The following RNF216 variants were observed in gnomAD, a reference collection of about 807,000 sequenced individuals.
RNF216 encodes E3 ubiquitin-protein ligase RNF216.
RNF216 carries 72 observed loss-of-function variants against 110.8 expected under a neutral mutation model. The observed-to-expected ratio is 0.65, with a 90% CI of 0.54 to 0.79. The LOEUF (loss-of-function observed/expected upper bound fraction) is 0.79, where lower values mean the gene tolerates loss of function less well. RNF216 is among the 30% of genes least tolerant of loss of function. The pLI, the probability that RNF216 is intolerant of heterozygous loss-of-function variation, is 0.00. For synonymous variants in RNF216, 495 were observed against 407.5 expected (o/e 1.21, Z -2.59); for missense variants, 1,342 against 1,141.2 (o/e 1.18, Z -2.54).
At chr7:5,691,658 T>C (rs1791348194) in intron 13 of RNF216, among the ~76,000 whole-genome samples, 1 of 152,316 alleles carries the variant, frequency 6.6e-6, no homozygotes, top group African/African-American at 2.4e-5. Context: ...GCGTCCTCAA[T>C]CAAGTGAAGT....
At chr7:5,739,574 C>G (rs1794635301) in intron 4 of RNF216, 1 of 623,004 alleles carries the variant, frequency 1.6e-6, no homozygotes, top group Non-Finnish European at 3.0e-6. Context: ...TTCTCTGTCC[C>G]CATTTTACAG....
At chr7:5,707,125 A>G (rs1278596762) in intron 13 of RNF216, among the ~76,000 whole-genome samples, 2 of 152,174 alleles carry the variant, frequency 1.3e-5, no homozygotes, top group Non-Finnish European at 2.9e-5. Context: ...ATTATGTTCC[A>G]TTGGTCTACA....
At chr7:5,661,740 T>A (rs1789156178) in intron 13 of RNF216, among the ~76,000 whole-genome samples, 1 of 151,966 alleles carries the variant, frequency 6.6e-6, no homozygotes, top group South Asian at 2.1e-4. Context: ...GAGGCAGAGG[T>A]TGCAGTGAGC....
chr7:5,759,558 T>G (rs1472771254), intron 2 of RNF216, among the ~76,000 whole-genome samples: 1 of 152,192 alleles, frequency 6.6e-6, no homozygotes, highest in African/African-American at 2.4e-5. Flanking sequence ...ATGTGTTGAC[T>G]GTTTATGTTA....
At chr7:5,701,127 C>G (rs1017198944) in intron 13 of RNF216, among the ~76,000 whole-genome samples, 1 of 152,182 alleles carries the variant, frequency 6.6e-6, no homozygotes, top group Non-Finnish European at 1.5e-5. Flanking sequence ...TCCCCCAGCA[C>G]GTGGCTCTCC....
At chr7:5,727,876 C>A (rs1793855314) in intron 7 of RNF216, among the ~76,000 whole-genome samples, 1 of 151,762 alleles carries the variant, frequency 6.6e-6, no homozygotes, top group South Asian at 2.1e-4. Flanking sequence ...GTACCTCATC[C>A]TGGCTGGTGA....
Position 5,641,391 on chromosome 7 carries a change from C to A in RNF216, c.2160-15G>T, listed in dbSNP as rs762295333. The A allele has an allele frequency of 1.9e-6, 3 of 1,603,466 alleles. No individual in the cohort carries two copies. The highest frequency in any genetic ancestry group is 2.6e-6 in the Non-Finnish European group (3 of 1,171,518). ...TTTTTTCTTCACTGAAATAAGAAAA[C>A]ATAATTTGGAGCTGGGAGGGAAGAT... On this transcript the variant is annotated splice_polypyrimidine_tract_variant and intron_variant, in intron 14 of 16. Transcript: ENST00000389902.
chr7:5,773,185 A>T (rs920386065), intron 1 of RNF216, among the ~76,000 whole-genome samples: 3 of 152,142 alleles, frequency 2.0e-5, no homozygotes, highest in Non-Finnish European at 4.4e-5. Context: ...TATTTAAAAG[A>T]ACAGCTCTGG....
intron 1 of RNF216, among the ~76,000 whole-genome samples, chr7:5,772,376 G>C (rs1181882953): frequency 6.6e-6 from 1 of 152,074 alleles, no homozygotes; most frequent in Non-Finnish European, 1.5e-5. Context: ...AAAAAAACTA[G>C]ACAAGAAAGA....
At chr7:5,641,118 C>T in intron 15 of RNF216, 36 bp downstream of exon 15, 1 of 1,425,516 alleles carries the variant, frequency 7.0e-7, no homozygotes, top group Non-Finnish European at 9.8e-7. Flanking sequence ...TCTATTTTCT[C>T]CCTATAAAGC....
intron 14 of RNF216, chr7:5,650,064 A>T (rs1477702152): frequency 6.6e-6 from 1 of 152,164 alleles, no homozygotes; most frequent in Non-Finnish European, 1.5e-5. Context: ...AGAAGGTTAG[A>T]GAGAGAAATC....
At chr7:5,720,617 C>T (rs910364738) in intron 9 of RNF216, among the ~76,000 whole-genome samples, 2 of 152,076 alleles carry the variant, frequency 1.3e-5, no homozygotes, top group Non-Finnish European at 2.9e-5. Context: ...AGAGGTTTGA[C>T]CTCGCAGACC....
chr7:5,750,194 C>T (rs941024940), intron 3 of RNF216, among the ~76,000 whole-genome samples: 4 of 152,166 alleles, frequency 2.6e-5, no homozygotes, highest in African/African-American at 7.2e-5. Flanking sequence ...GCAAACAATG[C>T]CTGGCTTTAA....
chr7:5,707,718 G>GGT (rs1792383866), intron 13 of RNF216, among the ~76,000 whole-genome samples: 35 of 92,838 alleles, frequency 3.8e-4, no homozygotes, highest in African/African-American at 1.5e-3. Flanking sequence ...TGTGTGTGTG[G>GGT]TTTTTTTTTT....
intron 15 of RNF216, among the ~76,000 whole-genome samples, chr7:5,638,610 T>C (rs1787545029): frequency 6.6e-6 from 1 of 151,108 alleles, no homozygotes; most frequent in African/African-American, 2.4e-5. Context: ...TCCAACAGAT[T>C]GTGGCCAGGT....
chr7:5,654,083 T>A (rs1377714577), intron 13 of RNF216, among the ~76,000 whole-genome samples: 1 of 151,892 alleles, frequency 6.6e-6, no homozygotes, highest in African/African-American at 2.4e-5. Flanking sequence ...TGGAAAACAC[T>A]GGAGGGAGGA....
chr7:5,633,911 T>A (rs1787236778), intron 15 of RNF216, among the ~76,000 whole-genome samples: 1 of 152,168 alleles, frequency 6.6e-6, no homozygotes, highest in Non-Finnish European at 1.5e-5. Context: ...AGCTTGTCCC[T>A]CCACAAATAT....
chr7:5,653,680 C>T (rs995880916), intron 13 of RNF216, among the ~76,000 whole-genome samples: 3 of 150,766 alleles, frequency 2.0e-5, no homozygotes, highest in African/African-American at 7.3e-5. Context: ...AAATTATAAC[C>T]CTAATAGGTT....
chr7:5,676,067 T>C (rs1790271155), intron 13 of RNF216, among the ~76,000 whole-genome samples: 2 of 151,688 alleles, frequency 1.3e-5, no homozygotes, highest in Admixed American at 1.3e-4. Flanking sequence ...CAGGCTAGAG[T>C]GCAACGCGAT....
Sources: gnomAD v4.1 joint callset for allele counts (sites outside exome capture counted in the v4.1 genomes callset) on GRCh38, gnomAD v4.1.1 for gene constraint, MANE v1.5 for transcripts, NCBI Gene and HGNC (gene_info 2026-07-23, HGNC 2026-07-21) for gene names.